The following PACRG variants were observed in gnomAD, a reference collection of about 807,000 sequenced individuals.
PACRG encodes parkin coregulated gene protein.
In PACRG, 29 loss-of-function variants were observed where a neutral mutation model predicts 29.7. The ratio of observed to expected loss-of-function variants is 0.98; its 90% CI spans 0.73 to 1.33. The LOEUF (loss-of-function observed/expected upper bound fraction) is 1.33. Among genes scored for constraint, PACRG ranks in the 40% most tolerant of loss-of-function variants. The pLI, the probability that PACRG is intolerant of heterozygous loss-of-function variation, is 0.00. For synonymous variants in PACRG, 116 were observed against 118.7 expected (o/e 0.98, Z 0.15); for missense variants, 279 against 316.2 (o/e 0.88, Z 0.89).
chr6:163,059,065 G>A (rs904276460), intron 2 of PACRG, among the ~76,000 whole-genome samples: 2 of 141,618 alleles, frequency 1.4e-5, no homozygotes, highest in African/African-American at 5.3e-5. Flanking sequence ...GGCAACAAGA[G>A]CAAAACTCCA....
intron 4 of PACRG, among the ~76,000 whole-genome samples, chr6:163,246,579 A>T (rs1324764927): frequency 2.6e-5 from 4 of 152,212 alleles, no homozygotes; most frequent in Admixed American, 2.6e-4. Flanking sequence ...GAGAGGCAGC[A>T]TGTGAGAACA....
At chr6:163,133,966 T>C (rs1816834581) in intron 4 of PACRG, among the ~76,000 whole-genome samples, 1 of 152,236 alleles carries the variant, frequency 6.6e-6, no homozygotes, top group Non-Finnish European at 1.5e-5. Flanking sequence ...TTTCGTAACT[T>C]ATATATGTGC....
intron 4 of PACRG, among the ~76,000 whole-genome samples, chr6:163,176,742 A>G (rs1246882714): frequency 6.6e-6 from 1 of 152,214 alleles, no homozygotes; most frequent in African/African-American, 2.4e-5. Flanking sequence ...TGGACTTCAG[A>G]CACTGGGCAG....
intron 4 of PACRG, among the ~76,000 whole-genome samples, chr6:163,312,411 T>C (rs1316311101): frequency 6.6e-6 from 1 of 152,130 alleles, no homozygotes; most frequent in Non-Finnish European, 1.5e-5. Flanking sequence ...TTCCTTAACA[T>C]CTTTTCTTTA....
chr6:162,746,892 A>G (rs1781029464), intron 1 of PACRG, among the ~76,000 whole-genome samples: 1 of 152,218 alleles, frequency 6.6e-6, no homozygotes, highest in Non-Finnish European at 1.5e-5. Flanking sequence ...TCTCTGTATC[A>G]CACTTGGCCT....
intron 1 of PACRG, among the ~76,000 whole-genome samples, chr6:162,775,291 A>G (rs1783555885): frequency 6.6e-6 from 1 of 152,186 alleles, no homozygotes; most frequent in African/African-American, 2.4e-5. Context: ...CCCAGTTTAT[A>G]GTATTTTGTT....
At chr6:162,805,104 T>C (rs1342340750) in intron 1 of PACRG, among the ~76,000 whole-genome samples, 3 of 152,190 alleles carry the variant, frequency 2.0e-5, no homozygotes, top group Non-Finnish European at 4.4e-5. Context: ...TATGGTGTTA[T>C]AATCTTCTGG....
intron 2 of PACRG, among the ~76,000 whole-genome samples, chr6:163,006,325 G>A (rs541153857): frequency 1.3e-5 from 2 of 150,180 alleles, no homozygotes; most frequent in South Asian, 4.2e-4. Context: ...CATTTATTGA[G>A]TCTTATGAAC....
chr6:162,830,416 C>T (rs992016624), intron 2 of PACRG, among the ~76,000 whole-genome samples: 3 of 152,180 alleles, frequency 2.0e-5, no homozygotes, highest in Non-Finnish European at 4.4e-5. Context: ...CCAGGTCTCC[C>T]GCTGGCCTTC....
At chr6:162,832,889 T>G (rs1422928575) in intron 2 of PACRG, among the ~76,000 whole-genome samples, 1 of 152,068 alleles carries the variant, frequency 6.6e-6, no homozygotes, top group Non-Finnish European at 1.5e-5. Flanking sequence ...GATGTCTTCC[T>G]TTCTACTCAA....
chr6:162,931,382 T>TA (rs34315180), intron 2 of PACRG, among the ~76,000 whole-genome samples: 1 of 151,322 alleles, frequency 6.6e-6, no homozygotes. Flanking sequence ...ATGTCATATA[T>TA]AAAAAAAAAT....
At position 163,060,011 on chromosome 6, in the gene PACRG, C is replaced by CA. The variant is rs1810959971; in HGVS notation, c.292-2138dup. On this transcript the variant is annotated intron_variant, in intron 2 of 4. Coordinates refer to ENST00000366888, the MANE Select transcript of PACRG (RefSeq NM_001080379.2). ...AGGTAGCTGCAATAAAATGTTTGAA[C>CA]AGGATGTCTTAGCTTAAAGTCATTA... 2.6e-5 allele frequency among the ~76,000 whole-genome samples: 4 copies of CA among 152,076 alleles called. No homozygotes were observed. The South Asian group carries it at 8.3e-4, about 31-fold the overall frequency.
intron 4 of PACRG, among the ~76,000 whole-genome samples, chr6:163,295,428 C>T (rs767082474): frequency 6.6e-6 from 1 of 152,108 alleles, no homozygotes; most frequent in Non-Finnish European, 1.5e-5. Context: ...GGGAAACAGC[C>T]GAGGCTTCAG....
At chr6:162,973,027 A>G (rs1801657479) in intron 2 of PACRG, among the ~76,000 whole-genome samples, 1 of 152,240 alleles carries the variant, frequency 6.6e-6, no homozygotes, top group Non-Finnish European at 1.5e-5. Flanking sequence ...AGAGTTCTCT[A>G]TCATGGAGAA....
chr6:162,765,098 C>G lies in PACRG; in HGVS notation c.156+36707C>G, dbSNP rs1006568601. Among the ~76,000 whole-genome samples, 3 of 151,964 alleles carry G rather than the reference C, an allele frequency of 2.0e-5. No individual in the cohort carries two copies. The East Asian group carries it at 5.8e-4, about 29-fold the overall frequency. On this transcript the variant is annotated intron_variant, in intron 1 of 4. Coordinates refer to ENST00000366888, the MANE Select transcript of PACRG (RefSeq NM_001080379.2). ...TATATACATACCTATTTATCATCATCATCATCATCATCTTGTTCTCTCTAC... is the reference window on the plus strand; with the variant it reads ...TATATACATACCTATTTATCATCATGATCATCATCATCTTGTTCTCTCTAC...
At chr6:162,981,305 A>ATATATATATATTTTTTTTTTTT (rs925663285) in intron 2 of PACRG, among the ~76,000 whole-genome samples, 78 of 149,152 alleles carry the variant, frequency 5.2e-4, no homozygotes, top group African/African-American at 1.5e-3. Flanking sequence ...ATATATATAT[A>ATATATATATATTTTTTTTTTTT]TTTACAATGG....
chr6:163,083,432 A>G (rs1304405577), intron 3 of PACRG, among the ~76,000 whole-genome samples: 2 of 152,188 alleles, frequency 1.3e-5, no homozygotes, highest in Non-Finnish European at 2.9e-5. Context: ...TACATCTTAC[A>G]TATATTGACT....
At chr6:162,933,188 G>T (rs561077937) in intron 2 of PACRG, among the ~76,000 whole-genome samples, 4 of 152,046 alleles carry the variant, frequency 2.6e-5, no homozygotes, top group African/African-American at 7.2e-5. Context: ...TATTATTTCT[G>T]GTTTTATTAC....
intron 4 of PACRG, among the ~76,000 whole-genome samples, chr6:163,206,964 G>A (rs555177925): frequency 9.9e-5 from 15 of 151,906 alleles, no homozygotes; most frequent in African/African-American, 3.4e-4. Context: ...TTCTTTTACC[G>A]CTGTTTATAA....
Sources: allele counts gnomAD v4.1 joint callset (sites outside exome capture counted in the v4.1 genomes callset), GRCh38; gene constraint gnomAD v4.1.1; transcripts MANE v1.5; gene names NCBI Gene and HGNC (gene_info 2026-07-23, HGNC 2026-07-21).